Variants in PPP1R1C observed in about 807,000 individuals in gnomAD.
The protein encoded by PPP1R1C is protein phosphatase 1 regulatory subunit 1C.
Under a neutral mutation model 17.4 loss-of-function variants are expected in PPP1R1C, and 15 were observed. The observed-to-expected ratio is 0.86, with a 90% CI of 0.58 to 1.33. The LOEUF is 1.33. Ranked by LOEUF, PPP1R1C falls within the 40% of genes most tolerant of loss-of-function variation. PPP1R1C has a pLI of 0.00. For missense variants in PPP1R1C, 143 were observed against 130.0 expected (o/e 1.10, Z -0.48); for synonymous variants, 35 against 43.1 (o/e 0.81, Z 0.73).
intron 4 of PPP1R1C, among the ~76,000 whole-genome samples, chr2:182,102,595 A>G (rs1689129834): frequency 1.3e-5 from 2 of 152,120 alleles, no homozygotes; most frequent in East Asian, 3.8e-4. Flanking sequence ...GCAGTGTGAT[A>G]AGTCATGGAC....
chr2:182,119,541 A>T (rs1196117141), downstream of PPP1R1C, among the ~76,000 whole-genome samples: 1 of 152,100 alleles, frequency 6.6e-6, no homozygotes, highest in Non-Finnish European at 1.5e-5. Flanking sequence ...AAGTGTTCCT[A>T]TTTCTCCACA....
chr2:181,974,651 T>C (rs2125134840), intron 1 of PPP1R1C, among the ~76,000 whole-genome samples: 1 of 152,310 alleles, frequency 6.6e-6, no homozygotes, highest in Middle Eastern at 3.4e-3. Context: ...AATTGTGCTA[T>C]GTGATTTTCA....
rs138629844 is a variant in PPP1R1C at position 182,054,674 on chromosome 2, T to A, written c.143-6768T>A. On this transcript the variant is annotated intron_variant, in intron 2 of 4. Transcript: ENST00000682840. Reference sequence around the variant, plus strand: ...GTAAGTGTGTGTGTGTGTGTGTCTTTCTTTTTGAGACAGTTTTGCTCTGTC... The same window carrying A: ...GTAAGTGTGTGTGTGTGTGTGTCTTACTTTTTGAGACAGTTTTGCTCTGTC... 3.4e-3 allele frequency among the ~76,000 whole-genome samples: 515 copies of A among 152,174 alleles called. 3 individuals are homozygous for A. The highest frequency in any genetic ancestry group is 0.012 in the African/African-American group (486 of 41,520).
chr2:182,074,577 A>G (rs1688239036), intron 4 of PPP1R1C, among the ~76,000 whole-genome samples: 1 of 152,216 alleles, frequency 6.6e-6, no homozygotes, highest in Non-Finnish European at 1.5e-5. Context: ...GTCAAGATAA[A>G]TTGAGAAATT....
chr2:182,004,775 T>C (rs1192176569), intron 2 of PPP1R1C, among the ~76,000 whole-genome samples: 1 of 152,194 alleles, frequency 6.6e-6, no homozygotes, highest in African/African-American at 2.4e-5. Flanking sequence ...AAGGTCCCTG[T>C]GGCTGCAGAA....
intron 4 of PPP1R1C, among the ~76,000 whole-genome samples, chr2:182,088,991 A>C (rs1292739887): frequency 6.6e-6 from 1 of 152,212 alleles, no homozygotes; most frequent in Non-Finnish European, 1.5e-5. Flanking sequence ...AGATAACCTC[A>C]AATGCTAGAG....
chr2:182,016,377 C>T (rs183877956), intron 2 of PPP1R1C, among the ~76,000 whole-genome samples: 1 of 152,224 alleles, frequency 6.6e-6, no homozygotes, highest in East Asian at 1.9e-4. Context: ...TATGAAGTTG[C>T]TTTCTTGTGT....
At chr2:182,105,505 G>A (rs1689218154) in intron 4 of PPP1R1C, among the ~76,000 whole-genome samples, 1 of 152,082 alleles carries the variant, frequency 6.6e-6, no homozygotes, top group Non-Finnish European at 1.5e-5. Flanking sequence ...AAAGGTGTGG[G>A]GGTCTAGGTA....
At chr2:182,000,547 G>T (rs1350343537) in intron 2 of PPP1R1C, among the ~76,000 whole-genome samples, 1 of 152,134 alleles carries the variant, frequency 6.6e-6, no homozygotes, top group Non-Finnish European at 1.5e-5. Context: ...ACAAGAGTTT[G>T]CCCCCTTGCT....
intron 2 of PPP1R1C, among the ~76,000 whole-genome samples, chr2:182,028,204 T>C (rs1296068301): frequency 6.8e-5 from 9 of 131,496 alleles, no homozygotes; most frequent in Non-Finnish European, 1.5e-4. Context: ...TTTGTGTCTC[T>C]ATTTCCTTCA....
At chr2:182,035,272 T>C (rs1686969643) in intron 2 of PPP1R1C, among the ~76,000 whole-genome samples, 1 of 152,206 alleles carries the variant, frequency 6.6e-6, no homozygotes, top group Admixed American at 6.5e-5. Flanking sequence ...ACAAAGCTGC[T>C]TTTACATTCA....
chr2:181,977,481 G>A (rs1485548504), intron 2 of PPP1R1C, among the ~76,000 whole-genome samples: 1 of 151,938 alleles, frequency 6.6e-6, no homozygotes, highest in African/African-American at 2.4e-5. Flanking sequence ...TCCACAAACT[G>A]CTTGGATTAA....
intron 2 of PPP1R1C, among the ~76,000 whole-genome samples, chr2:182,049,681 A>G (rs1687451698): frequency 6.6e-6 from 1 of 152,144 alleles, no homozygotes; most frequent in Non-Finnish European, 1.5e-5. Flanking sequence ...CATGTATTCC[A>G]ATAATAAATT....
At chr2:182,026,271 T>C (rs1166185408) in intron 2 of PPP1R1C, among the ~76,000 whole-genome samples, 1 of 127,264 alleles carries the variant, frequency 7.9e-6, no homozygotes, top group East Asian at 2.1e-4. Flanking sequence ...GTTTTGGACA[T>C]GAAGTCCTTG....
rs1228035137 is a variant in PPP1R1C, at chr2:181,997,159, G to C, written c.142+9260G>C. On this transcript the variant is annotated intron_variant, in intron 2 of 4. Transcript: ENST00000682840. ...CAGGAGAAAGGCGTGAACCCGGGAGGCGGAGCTTGCAGTGAATTGACATTG... is the reference window on the plus strand; with the variant it reads ...CAGGAGAAAGGCGTGAACCCGGGAGCCGGAGCTTGCAGTGAATTGACATTG... Among the ~76,000 whole-genome samples, 6 of 151,876 alleles carry C rather than the reference G, an allele frequency of 4.0e-5. No homozygotes were observed. In the South Asian group the frequency reaches 1.0e-3, roughly 26 times the overall value.
chr2:182,080,578 A>G (rs572493728), intron 4 of PPP1R1C, among the ~76,000 whole-genome samples: 1 of 152,226 alleles, frequency 6.6e-6, no homozygotes, highest in South Asian at 2.1e-4. Context: ...CACATATTTC[A>G]GATAGAAACA....
At chr2:182,073,985 G>C (rs1285556786) in intron 4 of PPP1R1C, among the ~76,000 whole-genome samples, 5 of 151,798 alleles carry the variant, frequency 3.3e-5, no homozygotes, top group Non-Finnish European at 7.4e-5. Flanking sequence ...TTTCTTGTGA[G>C]TGCTTTGAAG....
At chr2:182,089,281 A>G (rs1283231478) in intron 4 of PPP1R1C, among the ~76,000 whole-genome samples, 1 of 152,216 alleles carries the variant, frequency 6.6e-6, no homozygotes, top group Non-Finnish European at 1.5e-5. Context: ...AGTTGTAGGT[A>G]GCTAGAATGC....
At position 181,995,945 on chromosome 2, in the gene PPP1R1C, T is replaced by C. The variant is rs559144259; in HGVS notation, c.142+8046T>C. Among the ~76,000 whole-genome samples, 10 of 152,182 alleles carry C rather than the reference T, an allele frequency of 6.6e-5. No individual in the cohort carries two copies. The South Asian group carries it at 1.0e-3, about 16-fold the overall frequency. The stretch of plus-strand genomic sequence containing the variant: ...TGCCCCGGGACCTGGGCAGGTGACA[T>C]AGATGAGAGCCTGGGCCCTAAGAAG... On this transcript the variant is annotated intron_variant, in intron 2 of 4. Coordinates refer to ENST00000682840, the MANE Select transcript of PPP1R1C (RefSeq NM_001080545.3).
Sources: gnomAD v4.1 joint callset for allele counts (sites outside exome capture counted in the v4.1 genomes callset) on GRCh38, gnomAD v4.1.1 for gene constraint, MANE v1.5 for transcripts, NCBI Gene and HGNC (gene_info 2026-07-23, HGNC 2026-07-21) for gene names.